The following RGSL1 variants were observed in gnomAD, a reference collection of about 807,000 sequenced individuals.
The protein encoded by RGSL1 is regulator of G protein signaling protein-like.
A neutral mutation model predicts 124.7 loss-of-function variants in RGSL1; 97 were observed. That is an observed-to-expected ratio of 0.78 (90% CI 0.66 to 0.92). RGSL1 has a LOEUF of 0.92. Ranked by LOEUF, RGSL1 falls within the 40% of genes least tolerant of loss-of-function variation. The pLI is 0.00. For missense variants in RGSL1, 1,233 were observed against 1,288.4 expected, an observed-to-expected ratio of 0.96 and a Z score of 0.66; for synonymous variants, 424 against 438.1, an observed-to-expected ratio of 0.97 and a Z score of 0.40.
intron 4 of RGSL1, among the ~76,000 whole-genome samples, chr1:182,463,711 TATG>T (rs1378064612): frequency 6.6e-6 from 1 of 152,062 alleles, no homozygotes; most frequent in Non-Finnish European, 1.5e-5. Flanking sequence ...CCTCAAAATA[TATG>T]AAGCAAAAAT....
chr1:182,539,503 T>A (rs952477774), intron 14 of RGSL1, among the ~76,000 whole-genome samples: 16 of 152,202 alleles, frequency 1.1e-4, no homozygotes, highest in Non-Finnish European at 2.2e-4. Flanking sequence ...CTTCAATAAA[T>A]CCTGAACAGC....
chr1:182,532,572 G>A lies in RGSL1; in HGVS notation c.2365-90G>A, dbSNP rs1025349761. The A allele has an allele frequency of 3.2e-5, 40 of 1,259,006 alleles. No homozygotes were observed. In the African/African-American group the frequency reaches 5.3e-4, roughly 17 times the overall value. 78.0% of individuals were successfully genotyped at this position (1,259,006 alleles called of 1,614,324 possible). On this transcript the variant is annotated intron_variant, in intron 13 of 21. Coordinates refer to ENST00000294854, the MANE Select transcript of RGSL1 (RefSeq NM_001137669.2). ...TACGGAGGTGTTGTGAGGATTAAAT[G>A]TAGTGAATACCAAGTTTTGGCACAC...
At chr1:182,466,570 T>A (rs1258391501) in intron 4 of RGSL1, among the ~76,000 whole-genome samples, 5 of 152,134 alleles carry the variant, frequency 3.3e-5, no homozygotes, top group Non-Finnish European at 7.4e-5. Context: ...ATGTGAACAA[T>A]TTCATTAAAT....
chr1:182,526,011 T>C (rs1282847026), intron 10 of RGSL1, among the ~76,000 whole-genome samples: 1 of 152,102 alleles, frequency 6.6e-6, no homozygotes, highest in East Asian at 1.9e-4. Context: ...ATACCCAAAT[T>C]ATTGAAGTAA....
intron 10 of RGSL1, among the ~76,000 whole-genome samples, chr1:182,526,325 T>C (rs1658736375): frequency 6.6e-6 from 1 of 152,162 alleles, no homozygotes; most frequent in Non-Finnish European, 1.5e-5. Context: ...AGTTTCTAGA[T>C]ATGAAAACCT....
At position 182,540,439 on chromosome 1, in the gene RGSL1, C is replaced by T; in HGVS notation, c.2669+18C>T. 6.5e-7 allele frequency: 1 copy of T among 1,544,900 alleles called. No homozygotes were observed. The highest frequency in any genetic ancestry group is 8.7e-7 in the Non-Finnish European group (1 of 1,142,978). ...ATGGAGAAGTAAGTTTTCCACTTCTCCTTCTTCTGCCCTGAAAATGACTTT... is the reference window on the plus strand; with the variant it reads ...ATGGAGAAGTAAGTTTTCCACTTCTTCTTCTTCTGCCCTGAAAATGACTTT... On this transcript the variant is annotated intron_variant, in intron 15 of 21. Coordinates refer to ENST00000294854, the MANE Select transcript of RGSL1 (RefSeq NM_001137669.2).
At chr1:182,452,522 G>T (rs1034193547) in intron 1 of RGSL1, among the ~76,000 whole-genome samples, 1 of 151,102 alleles carries the variant, frequency 6.6e-6, no homozygotes, top group Non-Finnish European at 1.5e-5. Context: ...GTGCGATCTC[G>T]GCTCACTGCA....
At chr1:182,494,628 T>C (rs1376132529) in intron 9 of RGSL1, among the ~76,000 whole-genome samples, 2 of 152,224 alleles carry the variant, frequency 1.3e-5, no homozygotes, top group Non-Finnish European at 2.9e-5. Context: ...AAGTCTCTGA[T>C]ACTGATGGTA....
chr1:182,457,610 G>A (rs2101988900), intron 2 of RGSL1, among the ~76,000 whole-genome samples: 1 of 152,332 alleles, frequency 6.6e-6, no homozygotes, highest in African/African-American at 2.4e-5. Flanking sequence ...GACATGATGT[G>A]CTGAGAGTTC....
intron 9 of RGSL1, among the ~76,000 whole-genome samples, chr1:182,501,405 A>G (rs1307501979): frequency 8.1e-6 from 1 of 123,732 alleles, no homozygotes; most frequent in Non-Finnish European, 1.6e-5. Context: ...TGCAATCTCC[A>G]TCTCCCAGGT....
chr1:182,515,586 ACTT>A (rs1287800416), intron 9 of RGSL1, among the ~76,000 whole-genome samples: 7 of 150,876 alleles, frequency 4.6e-5, no homozygotes, highest in African/African-American at 1.7e-4. Context: ...TGGGGGAAGA[ACTT>A]CTTGCTTTGA....
chr1:182,525,268 G>A (rs1658658198), intron 10 of RGSL1, among the ~76,000 whole-genome samples: 1 of 152,052 alleles, frequency 6.6e-6, no homozygotes, highest in African/African-American at 2.4e-5. Flanking sequence ...GGAAAGTATG[G>A]TCCATCCACA....
intron 2 of RGSL1, among the ~76,000 whole-genome samples, chr1:182,457,498 C>T (rs999834154): frequency 6.6e-6 from 1 of 152,190 alleles, no homozygotes; most frequent in Non-Finnish European, 1.5e-5. Flanking sequence ...CACCTTCCTT[C>T]AGCACCTCAC....
At chr1:182,498,840 C>T (rs537162464) in intron 9 of RGSL1, among the ~76,000 whole-genome samples, 58 of 151,334 alleles carry the variant, frequency 3.8e-4, no homozygotes, top group Admixed American at 1.8e-3. Context: ...TTGCCCAGCC[C>T]GGAGTGCAAT....
At position 182,472,530 on chromosome 1, in the gene RGSL1, G is replaced by C; in HGVS notation, c.436G>C (p.Val146Leu). ...CACTCATCTGCAGGAGGGCTCCAGG[G>C]TGGTAACCCTCTGTAACATGAACAT... is the stretch of plus-strand genomic sequence containing the variant. ...RATHLQEGSR[V>L]VTLCNMNIKS... Residue 146 changes from valine (V) to leucine (L), a missense_variant, in exon 5 of 22, where the codon GTG becomes CTG. By Grantham distance (32) the Val-to-Leu change is conservative (BLOSUM62 1). Transcript: ENST00000294854. 1 of 1,543,964 alleles carries C rather than the reference G, an allele frequency of 6.5e-7. No homozygotes were observed. Among genetic ancestry groups the C allele is most frequent in the South Asian group, 1.2e-5 (1 of 82,400 alleles).
At chr1:182,514,494 A>C (rs190098712) in intron 9 of RGSL1, among the ~76,000 whole-genome samples, 1 of 152,318 alleles carries the variant, frequency 6.6e-6, no homozygotes, top group Non-Finnish European at 1.5e-5. Flanking sequence ...ATTCAAAAGT[A>C]ACATCACGTC....
At chr1:182,453,820 T>C in intron 1 of RGSL1, 138 bp from the exon 2 acceptor site, 1 of 597,778 alleles carries the variant, frequency 1.7e-6, no homozygotes, top group South Asian at 2.1e-5. Flanking sequence ...GACATGCAAA[T>C]TGAATTGCAT....
chr1:182,521,095 A>G (rs1370130234), intron 9 of RGSL1, among the ~76,000 whole-genome samples: 1 of 152,174 alleles, frequency 6.6e-6, no homozygotes, highest in Non-Finnish European at 1.5e-5. Flanking sequence ...TTATAAACAG[A>G]GTCTTACTCT....
At chr1:182,498,880 C>T (rs1571577532) in intron 9 of RGSL1, among the ~76,000 whole-genome samples, 1 of 151,608 alleles carries the variant, frequency 6.6e-6, no homozygotes, top group East Asian at 1.9e-4. Context: ...GCAACCTCCA[C>T]CTCCTGGGTT....
Sources: allele counts gnomAD v4.1 joint callset (sites outside exome capture counted in the v4.1 genomes callset), GRCh38; gene constraint gnomAD v4.1.1; transcripts MANE v1.5; gene names NCBI Gene and HGNC (gene_info 2026-07-23, HGNC 2026-07-21).